The following GALNT13 variants were observed in gnomAD, a reference collection of about 807,000 sequenced individuals.
The protein encoded by GALNT13 is UDP-GalNAc:polypeptide N-acetylgalactosaminyltransferase 13.
GALNT13 carries 28 observed loss-of-function variants against 64.2 expected under a neutral mutation model. That is an observed-to-expected ratio of 0.44 (90% CI 0.32 to 0.60). The LOEUF (loss-of-function observed/expected upper bound fraction) is 0.60, where lower values mean the gene tolerates loss of function less well. Ranked by LOEUF, GALNT13 falls within the 20% of genes least tolerant of loss-of-function variation. The pLI, the probability that GALNT13 is intolerant of heterozygous loss-of-function variation, is 0.05. For missense variants in GALNT13, 577 were observed against 669.8 expected (o/e 0.86, Z 1.53); for synonymous variants, 214 against 224.6 (o/e 0.95, Z 0.42).
intron 3 of GALNT13, among the ~76,000 whole-genome samples, chr2:154,139,468 G>C (rs1287039496): frequency 6.6e-6 from 1 of 151,880 alleles, no homozygotes; most frequent in Admixed American, 6.6e-5. Context: ...CATTGGAAGA[G>C]TCGAGACATT....
intron 4 of GALNT13, among the ~76,000 whole-genome samples, chr2:154,236,787 A>G (rs931418791): frequency 2.6e-5 from 4 of 152,092 alleles, no homozygotes; most frequent in African/African-American, 9.6e-5. Flanking sequence ...TAATAACTTC[A>G]TAAGACATGT....
chr2:153,860,521 T>C, the GALNT13 span, among the ~76,000 whole-genome samples: 5 of 152,200 alleles, frequency 3.3e-5, no homozygotes, highest in African/African-American at 9.7e-5. Flanking sequence ...AGTTGACTTC[T>C]ATCCTCTTTT....
the GALNT13 span, among the ~76,000 whole-genome samples, chr2:153,189,426 A>G: frequency 1.3e-3 from 191 of 152,212 alleles, 1 homozygote; most frequent in African/African-American, 4.3e-3. Context: ...TCATGTAACA[A>G]TGATTTTGCT....
At chr2:153,391,328 G>C in the GALNT13 span, among the ~76,000 whole-genome samples, 1 of 152,174 alleles carries the variant, frequency 6.6e-6, no homozygotes, top group South Asian at 2.1e-4. Context: ...CTAGGAGCAA[G>C]AGGATGGTGG....
At chr2:153,911,733 A>AC (rs1045551541) in intron 2 of GALNT13, among the ~76,000 whole-genome samples, 28 of 151,886 alleles carry the variant, frequency 1.8e-4, no homozygotes, top group Non-Finnish European at 2.6e-4. Flanking sequence ...TTGAATATAG[A>AC]CCCCCAATCT....
chr2:154,313,594 A>G (rs1329193748), intron 9 of GALNT13, among the ~76,000 whole-genome samples: 1 of 151,820 alleles, frequency 6.6e-6, no homozygotes, highest in Non-Finnish European at 1.5e-5. Flanking sequence ...AGCTGGGACT[A>G]TAGGCATGCA....
At chr2:153,631,557 G>C in the GALNT13 span, among the ~76,000 whole-genome samples, 2 of 152,126 alleles carry the variant, frequency 1.3e-5, no homozygotes, top group African/African-American at 4.8e-5. Flanking sequence ...TTCTCTGATG[G>C]CCAGTGATGA....
intron 4 of GALNT13, among the ~76,000 whole-genome samples, chr2:154,214,045 G>A (rs575531908): frequency 2.0e-5 from 3 of 151,926 alleles, no homozygotes; most frequent in African/African-American, 4.8e-5. Context: ...TTCCACTAAC[G>A]TCATTATAAA....
At chr2:153,582,644 GCTT>G in the GALNT13 span, among the ~76,000 whole-genome samples, 1 of 152,152 alleles carries the variant, frequency 6.6e-6, no homozygotes, top group African/African-American at 2.4e-5. Flanking sequence ...AATTATGGTT[GCTT>G]CTTTGAAAAT....
At chr2:153,811,477 T>C in the GALNT13 span, among the ~76,000 whole-genome samples, 1 of 152,240 alleles carries the variant, frequency 6.6e-6, no homozygotes, top group Non-Finnish European at 1.5e-5. Context: ...ATTTCCTTTA[T>C]ATATGTCTTA....
the GALNT13 span, among the ~76,000 whole-genome samples, chr2:153,166,494 G>A: frequency 4.6e-5 from 7 of 152,192 alleles, no homozygotes; most frequent in African/African-American, 1.7e-4. Flanking sequence ...AGATTGGCAA[G>A]TAGAGGAGTT....
the GALNT13 span, among the ~76,000 whole-genome samples, chr2:153,764,353 A>G: frequency 6.6e-6 from 1 of 152,232 alleles, no homozygotes; most frequent in Non-Finnish European, 1.5e-5. Context: ...CCTGACCAAC[A>G]TGGAGAAACC....
the GALNT13 span, among the ~76,000 whole-genome samples, chr2:153,476,438 G>A: frequency 6.6e-6 from 1 of 152,138 alleles, no homozygotes. Context: ...CCTGTCTCAG[G>A]CATAAAAATA....
chr2:153,813,344 A>C, the GALNT13 span, among the ~76,000 whole-genome samples: 36 of 152,326 alleles, frequency 2.4e-4, no homozygotes, highest in African/African-American at 8.4e-4. Context: ...TAAGTTACTT[A>C]AAGTATATAT....
At chr2:153,325,047 G>A in the GALNT13 span, among the ~76,000 whole-genome samples, 1 of 148,452 alleles carries the variant, frequency 6.7e-6, no homozygotes, top group Non-Finnish European at 1.5e-5. Flanking sequence ...AATACTTTAA[G>A]AAGGAATGGT....
the GALNT13 span, among the ~76,000 whole-genome samples, chr2:153,729,884 T>C: frequency 6.6e-6 from 1 of 151,346 alleles, no homozygotes; most frequent in Non-Finnish European, 1.5e-5. Context: ...GCTACAAAAA[T>C]AGTAAAATAT....
chr2:154,314,847 G>A (rs1312588802), intron 9 of GALNT13, among the ~76,000 whole-genome samples: 1 of 152,078 alleles, frequency 6.6e-6, no homozygotes, highest in Non-Finnish European at 1.5e-5. Flanking sequence ...GGTTTGGAGT[G>A]TCAAATATCC....
At chr2:153,089,223 C>T in the GALNT13 span, among the ~76,000 whole-genome samples, 1 of 152,186 alleles carries the variant, frequency 6.6e-6, no homozygotes, top group Non-Finnish European at 1.5e-5. Flanking sequence ...ACCTCTCCTT[C>T]ACTTATGAGG....
the GALNT13 span, among the ~76,000 whole-genome samples, chr2:153,072,413 T>A: frequency 6.6e-6 from 1 of 152,112 alleles, no homozygotes; most frequent in Non-Finnish European, 1.5e-5. Flanking sequence ...TCATTCTTCC[T>A]CCAAAAGGAA....
Sources: allele counts gnomAD v4.1 joint callset (sites outside exome capture counted in the v4.1 genomes callset), GRCh38; gene constraint gnomAD v4.1.1; transcripts MANE v1.5; gene names NCBI Gene and HGNC (gene_info 2026-07-23, HGNC 2026-07-21).